ZNF423: variants seen among roughly 807,000 people sequenced by gnomAD.
ZNF423 encodes Ebf-associated zinc finger protein.
Under a neutral mutation model 95.8 loss-of-function variants are expected in ZNF423, and 12 were observed. The observed-to-expected ratio is 0.13, with a 90% CI of 0.08 to 0.20. The LOEUF (loss-of-function observed/expected upper bound fraction) is 0.20, where lower values mean the gene tolerates loss of function less well. Ranked by LOEUF, ZNF423 falls within the 10% of genes least tolerant of loss-of-function variation. The pLI, the probability that ZNF423 is intolerant of heterozygous loss-of-function variation, is 1.00. For missense variants in ZNF423, 1,316 were observed against 1,737.1 expected, an observed-to-expected ratio of 0.76 and a Z score of 4.31; for synonymous variants, 749 against 711.9, an observed-to-expected ratio of 1.05 and a Z score of -0.83.
chr16:49,836,411 C>A (rs1043982222), intron 1 of ZNF423, among the ~76,000 whole-genome samples: 15 of 151,978 alleles, frequency 9.9e-5, no homozygotes, highest in African/African-American at 3.4e-4. Context: ...AGCTGGGTCT[C>A]GGGGGATCAA....
chr16:49,655,053 T>C (rs1374494519), intron 3 of ZNF423, among the ~76,000 whole-genome samples: 1 of 152,190 alleles, frequency 6.6e-6, no homozygotes, highest in Non-Finnish European at 1.5e-5. Context: ...TCAGTGATAC[T>C]CAAATGTTGC....
chr16:49,576,560 C>T (rs1970508139), intron 5 of ZNF423, among the ~76,000 whole-genome samples: 1 of 152,194 alleles, frequency 6.6e-6, no homozygotes, highest in South Asian at 2.1e-4. Context: ...CACTGCAGTC[C>T]GTAGCTCAAG....
intron 5 of ZNF423, among the ~76,000 whole-genome samples, chr16:49,562,553 A>G (rs1454743730): frequency 1.3e-5 from 2 of 152,206 alleles, no homozygotes; most frequent in African/African-American, 4.8e-5. Context: ...TACAGTCTGG[A>G]AACTAGATCC....
chr16:49,575,152 C>T (rs750168776), intron 5 of ZNF423, among the ~76,000 whole-genome samples: 29 of 152,122 alleles, frequency 1.9e-4, no homozygotes, highest in Non-Finnish European at 3.5e-4. Context: ...TCACGCGAAC[C>T]CAGGCATCAC....
At chr16:49,629,580 C>T (rs1024369712) in intron 4 of ZNF423, among the ~76,000 whole-genome samples, 2 of 152,196 alleles carry the variant, frequency 1.3e-5, no homozygotes, top group African/African-American at 4.8e-5. Context: ...AGGACCCCCT[C>T]CACATCCCTG....
intron 5 of ZNF423, among the ~76,000 whole-genome samples, 157 bp downstream of exon 5, chr16:49,626,013 C>G (rs1349391388): frequency 6.6e-6 from 1 of 152,058 alleles, no homozygotes; most frequent in African/African-American, 2.4e-5. Flanking sequence ...GAGAAAGGGC[C>G]CCCATTCTGA....
chr16:49,713,449 G>A (rs2032606450), intron 3 of ZNF423, among the ~76,000 whole-genome samples: 4 of 152,144 alleles, frequency 2.6e-5, no homozygotes, highest in Admixed American at 2.6e-4. Flanking sequence ...AGACAGATTT[G>A]GGGTAGTTAT....
At chr16:49,805,779 G>C (rs2034652980) in intron 1 of ZNF423, among the ~76,000 whole-genome samples, 2 of 152,162 alleles carry the variant, frequency 1.3e-5, no homozygotes. Context: ...TCTATAAAAT[G>C]GGGATTTAAA....
intron 5 of ZNF423, among the ~76,000 whole-genome samples, chr16:49,526,540 G>T (rs1366381065): frequency 6.6e-6 from 1 of 152,160 alleles, no homozygotes; most frequent in Non-Finnish European, 1.5e-5. Flanking sequence ...CACACAGCAT[G>T]CTGTGGGCAC....
At chr16:49,749,792 T>C (rs1277799012) in intron 2 of ZNF423, among the ~76,000 whole-genome samples, 1 of 126,672 alleles carries the variant, frequency 7.9e-6, no homozygotes, top group East Asian at 2.8e-4. Context: ...CAGTAGTGAA[T>C]TGGGGAGGGG....
chr16:49,844,116 TAA>T (rs563357549), intron 1 of ZNF423, among the ~76,000 whole-genome samples: 36 of 132,248 alleles, frequency 2.7e-4, no homozygotes, highest in Admixed American at 7.7e-4. Context: ...CTCCATCTGT[TAA>T]AAAAAAAAAA....
intron 1 of ZNF423, among the ~76,000 whole-genome samples, chr16:49,821,497 G>A (rs1207327820): frequency 1.3e-5 from 2 of 152,280 alleles, no homozygotes; most frequent in Non-Finnish European, 1.5e-5. Context: ...GAACGCACAG[G>A]ATGAGGGTCC....
At chr16:49,604,062 G>T (rs929066875) in intron 5 of ZNF423, among the ~76,000 whole-genome samples, 9 of 152,220 alleles carry the variant, frequency 5.9e-5, no homozygotes, top group African/African-American at 2.2e-4. Context: ...TGTCTGAGCT[G>T]CAAGAACAGC....
chr16:49,804,045 C>T (rs1252781643), intron 1 of ZNF423, among the ~76,000 whole-genome samples: 3 of 150,718 alleles, frequency 2.0e-5, no homozygotes, highest in African/African-American at 4.9e-5. Flanking sequence ...AAGTGATTCT[C>T]CTGCCTCAGC....
intron 4 of ZNF423, among the ~76,000 whole-genome samples, chr16:49,630,581 C>T (rs933467864): frequency 6.6e-6 from 1 of 152,176 alleles, no homozygotes; most frequent in African/African-American, 2.4e-5. Flanking sequence ...CAGATGACCA[C>T]GTCCCCCCTC....
intron 2 of ZNF423, among the ~76,000 whole-genome samples, chr16:49,743,942 C>T (rs2033468224): frequency 6.6e-6 from 1 of 152,136 alleles, no homozygotes; most frequent in Non-Finnish European, 1.5e-5. Flanking sequence ...CCCGTGCTAT[C>T]CCACCCCAGG....
At chr16:49,703,834 C>T (rs1440969461) in intron 3 of ZNF423, among the ~76,000 whole-genome samples, 1 of 152,220 alleles carries the variant, frequency 6.6e-6, no homozygotes, top group African/African-American at 2.4e-5. Context: ...CCCAGCTCCT[C>T]TATGCCCCAC....
In ZNF423 at chr16:49,677,241, G is replaced by GAGAAGAGAAGAGAAGAGAAC; in HGVS notation, c.302-38368_302-38367insGTTCTCTTCTCTTCTCTTCT. On this transcript the variant is annotated intron_variant, in intron 3 of 7. Transcript: ENST00000563137. Reference sequence around the variant, plus strand: ...ATAGAAACAAGAAAAGAGAAGAGAAGAGAAGATAAGAGAAGAGAAGAGAAG... The same window carrying GAGAAGAGAAGAGAAGAGAAC: ...ATAGAAACAAGAAAAGAGAAGAGAAGAGAAGAGAAGAGAAGAGAACAGAAGATAAGAGAAGAGAAGAGAAG... Among the ~76,000 whole-genome samples the GAGAAGAGAAGAGAAGAGAAC allele has an allele frequency of 1.3e-4, 2 of 15,454 alleles. 1 individual carries two copies. Among genetic ancestry groups the GAGAAGAGAAGAGAAGAGAAC allele is most frequent in the East Asian group, 4.9e-3 (2 of 408 alleles). The allele number at this position is 15,454 out of a possible 152,430, so 10.1% of individuals were successfully genotyped here. A position where few individuals can be genotyped will look rare whatever the true frequency, so the allele number is the denominator to read the frequency against.
chr16:49,766,975 CT>C (rs1266592994), intron 2 of ZNF423, among the ~76,000 whole-genome samples: 439 of 144,332 alleles, frequency 3.0e-3, no homozygotes, highest in Middle Eastern at 3.6e-3. Context: ...TTCTTTCTTT[CT>C]TTTTTTTTTT....
Sources: gnomAD v4.1 joint callset for allele counts (sites outside exome capture counted in the v4.1 genomes callset) on GRCh38, gnomAD v4.1.1 for gene constraint, MANE v1.5 for transcripts, NCBI Gene and HGNC (gene_info 2026-07-23, HGNC 2026-07-21) for gene names.